Variants in CLSTN2 observed in about 807,000 individuals in gnomAD.
CLSTN2 encodes the protein calsyntenin 2, also known as calsyntenin-2.
Under a neutral mutation model 101.2 loss-of-function variants are expected in CLSTN2, and 48 were observed. That is an observed-to-expected ratio of 0.47 (90% CI 0.38 to 0.60). CLSTN2 has a LOEUF of 0.60. Ranked by LOEUF, CLSTN2 falls within the 20% of genes least tolerant of loss-of-function variation. CLSTN2 has a pLI of 0.00. For synonymous variants in CLSTN2, 481 were observed against 463.6 expected, an observed-to-expected ratio of 1.04 and a Z score of -0.48; for missense variants, 1,160 against 1,238.2, an observed-to-expected ratio of 0.94 and a Z score of 0.95.
chr3:140,078,789 T>C (rs2008538336), intron 1 of CLSTN2, among the ~76,000 whole-genome samples: 1 of 152,224 alleles, frequency 6.6e-6, no homozygotes, highest in Admixed American at 6.5e-5. Context: ...TGAACTGGTT[T>C]TGAACTTGAT....
chr3:140,398,169 T>C (rs1405873847), intron 2 of CLSTN2, among the ~76,000 whole-genome samples: 3 of 152,258 alleles, frequency 2.0e-5, no homozygotes, highest in African/African-American at 4.8e-5. Context: ...AAGGTCCTAG[T>C]TCAGTTCACA....
At chr3:140,336,372 A>T (rs191395983) in intron 2 of CLSTN2, among the ~76,000 whole-genome samples, 1 of 152,372 alleles carries the variant, frequency 6.6e-6, no homozygotes, top group Non-Finnish European at 1.5e-5. Context: ...CCAATTACTC[A>T]GAATTTCTGG....
At chr3:140,056,941 C>A (rs80156439) in intron 1 of CLSTN2, among the ~76,000 whole-genome samples, 5,992 of 152,222 alleles carry the variant, frequency 0.039, 158 homozygotes, top group Non-Finnish European at 0.06. Context: ...GGGTGGGACC[C>A]AGAATCCTGA....
chr3:140,559,011 C>A (rs1935860251), intron 12 of CLSTN2, among the ~76,000 whole-genome samples, 154 bp downstream of exon 12: 1 of 151,786 alleles, frequency 6.6e-6, no homozygotes, highest in Non-Finnish European at 1.5e-5. Context: ...ACAGACAAAG[C>A]AATAAACAAA....
intron 2 of CLSTN2, among the ~76,000 whole-genome samples, chr3:140,352,126 T>C (rs1346822140): frequency 6.6e-6 from 1 of 152,226 alleles, no homozygotes; most frequent in Non-Finnish European, 1.5e-5. Context: ...AAGATAATAG[T>C]TGGATCTTCC....
chr3:140,041,096 C>G (rs1229812616), intron 1 of CLSTN2, among the ~76,000 whole-genome samples: 1 of 152,188 alleles, frequency 6.6e-6, no homozygotes, highest in Non-Finnish European at 1.5e-5. Context: ...AGTATATTAC[C>G]TCTTCCATTC....
At chr3:140,137,035 C>T (rs1488495414) in intron 1 of CLSTN2, among the ~76,000 whole-genome samples, 1 of 152,170 alleles carries the variant, frequency 6.6e-6, no homozygotes, top group African/African-American at 2.4e-5. Flanking sequence ...GAGGTTGAAG[C>T]TATATTTATT....
At chr3:140,049,594 T>C (rs899716709) in intron 1 of CLSTN2, among the ~76,000 whole-genome samples, 1 of 152,156 alleles carries the variant, frequency 6.6e-6, no homozygotes, top group Non-Finnish European at 1.5e-5. Flanking sequence ...CATAGACACC[T>C]TCTGCATAGA....
At chr3:140,509,761 C>G (rs1189309183) in intron 8 of CLSTN2, among the ~76,000 whole-genome samples, 2 of 152,198 alleles carry the variant, frequency 1.3e-5, no homozygotes, top group Non-Finnish European at 1.5e-5. Flanking sequence ...CTGCCCTAAC[C>G]TCTGGTTCTC....
intron 1 of CLSTN2, among the ~76,000 whole-genome samples, chr3:140,002,232 G>A (rs1176946039): frequency 6.6e-6 from 1 of 152,128 alleles, no homozygotes; most frequent in Non-Finnish European, 1.5e-5. Context: ...ATTTGTTATT[G>A]CGTGTCTTTT....
intron 2 of CLSTN2, among the ~76,000 whole-genome samples, chr3:140,232,333 A>G (rs1299158962): frequency 1.3e-5 from 2 of 152,150 alleles, no homozygotes; most frequent in East Asian, 1.9e-4. Context: ...GAGATTATCT[A>G]TGAGCCATGC....
Position 140,189,028 on chromosome 3 carries a change from C to T in CLSTN2, c.232+12955C>T, listed in dbSNP as rs1472760140. On this transcript the variant is annotated intron_variant, in intron 2 of 16. Transcript: ENST00000458420. ...GATATGAATGGAATCATACAGTAAG[C>T]AACCTTTTAGAATTGGCTTTTTTTC... Among the ~76,000 whole-genome samples, 3 of 152,154 alleles carry T rather than the reference C, an allele frequency of 2.0e-5. No homozygotes were observed. In the East Asian group the frequency reaches 5.8e-4, roughly 29 times the overall value.
intron 2 of CLSTN2, among the ~76,000 whole-genome samples, chr3:140,360,782 C>A (rs146901085): frequency 7.9e-5 from 12 of 151,936 alleles, no homozygotes; most frequent in African/African-American, 1.7e-4. Context: ...AGAAAAAAAA[C>A]CCCAAATAAT....
chr3:140,443,773 T>C (rs1302558863), intron 5 of CLSTN2, among the ~76,000 whole-genome samples: 4 of 152,168 alleles, frequency 2.6e-5, no homozygotes. Flanking sequence ...AAGGTCCCTG[T>C]GTTAGGCCCT....
intron 2 of CLSTN2, among the ~76,000 whole-genome samples, chr3:140,248,418 T>G (rs749432270): frequency 2.0e-5 from 3 of 152,148 alleles, no homozygotes; most frequent in Non-Finnish European, 4.4e-5. Flanking sequence ...TGGGCAGCAC[T>G]AGAGGAGGCT....
chr3:140,338,945 C>G (rs1258643128), intron 2 of CLSTN2, among the ~76,000 whole-genome samples: 2 of 152,192 alleles, frequency 1.3e-5, no homozygotes, highest in East Asian at 3.9e-4. Context: ...AGCTGGGGAG[C>G]ACAGATGAGT....
chr3:140,046,199 G>A (rs537512366), intron 1 of CLSTN2, among the ~76,000 whole-genome samples: 2 of 152,098 alleles, frequency 1.3e-5, no homozygotes, highest in African/African-American at 2.4e-5. Context: ...GGGTGCTCCT[G>A]TATTGGGGGC....
At chr3:140,426,858 C>T (rs1039842466) in intron 5 of CLSTN2, among the ~76,000 whole-genome samples, 1 of 152,084 alleles carries the variant, frequency 6.6e-6, no homozygotes, top group African/African-American at 2.4e-5. Flanking sequence ...AGCAGATGAG[C>T]TATTTCTACA....
At chr3:140,403,909 T>C in intron 3 of CLSTN2, 85 bp downstream of exon 3, 1 of 1,139,880 alleles carries the variant, frequency 8.8e-7, no homozygotes, top group Non-Finnish European at 1.3e-6. Context: ...CAGATATGTT[T>C]ACCCTCTTGT....
Sources: allele counts gnomAD v4.1 joint callset (sites outside exome capture counted in the v4.1 genomes callset), GRCh38; gene constraint gnomAD v4.1.1; transcripts MANE v1.5; gene names NCBI Gene and HGNC (gene_info 2026-07-23, HGNC 2026-07-21).